FANCC: variants seen among roughly 807,000 people sequenced by gnomAD.
FANCC encodes the protein FA complementation group C.
Under a neutral mutation model 71.3 loss-of-function variants are expected in FANCC, and 55 were observed. That is an observed-to-expected ratio of 0.77 (90% CI 0.62 to 0.97). The LOEUF is 0.97. Among genes scored for constraint, FANCC ranks in the 50% least tolerant of loss-of-function variants. The pLI is 0.00. For missense variants in FANCC, 678 were observed against 670.9 expected, an observed-to-expected ratio of 1.01 and a Z score of -0.12; for synonymous variants, 275 against 244.9, an observed-to-expected ratio of 1.12 and a Z score of -1.15.
At chr9:95,229,228 G>A (rs969084472) in intron 4 of FANCC, among the ~76,000 whole-genome samples, 3 of 151,446 alleles carry the variant, frequency 2.0e-5, no homozygotes, top group African/African-American at 4.9e-5. Context: ...AATACGGGAG[G>A]TGGAAGTTGC....
At chr9:95,147,409 G>A (rs185454641) in intron 7 of FANCC, among the ~76,000 whole-genome samples, 107 of 152,212 alleles carry the variant, frequency 7.0e-4, no homozygotes, top group African/African-American at 2.3e-3. Flanking sequence ...CCAGCTACTC[G>A]GGAGGCTGAG....
chr9:95,138,065 G>A (rs972703327), intron 7 of FANCC, among the ~76,000 whole-genome samples: 1 of 152,392 alleles, frequency 6.6e-6, no homozygotes, highest in Admixed American at 6.5e-5. Context: ...GAAAAGCAGT[G>A]GCTGGAATGA....
intron 4 of FANCC, among the ~76,000 whole-genome samples, chr9:95,213,252 GCAGC>G (rs1470620278): frequency 1.3e-5 from 2 of 152,068 alleles, no homozygotes; most frequent in African/African-American, 4.8e-5. Flanking sequence ...CTGCCCTAGA[GCAGC>G]CAGTAAGAGA....
At chr9:95,167,623 T>C (rs982020906) in intron 6 of FANCC, among the ~76,000 whole-genome samples, 3 of 152,342 alleles carry the variant, frequency 2.0e-5, no homozygotes, top group East Asian at 1.9e-4. Flanking sequence ...AATTCACTTA[T>C]TGTGGTTCTT....
At chr9:95,299,661 G>A (rs1834600963) in intron 1 of FANCC, among the ~76,000 whole-genome samples, 1 of 152,158 alleles carries the variant, frequency 6.6e-6, no homozygotes, top group African/African-American at 2.4e-5. Context: ...AGGAGTTCGA[G>A]ACCAGCCTGG....
At chr9:95,140,559 A>G (rs1020670554) in intron 7 of FANCC, among the ~76,000 whole-genome samples, 18 of 152,194 alleles carry the variant, frequency 1.2e-4, no homozygotes, top group South Asian at 6.2e-4. Flanking sequence ...GGCCCATCTG[A>G]GAGGTTGTGT....
In FANCC at chr9:95,111,087, C is replaced by G. The variant is rs1444651674; in HGVS notation, c.1329+376G>C. 4 of 1,515,654 alleles carry G rather than the reference C, an allele frequency of 2.6e-6. No individual in the cohort carries two copies. In the Admixed American group the frequency reaches 6.0e-5, roughly 23 times the overall value. 93.9% of individuals were successfully genotyped at this position (1,515,654 alleles called of 1,614,324 possible). Reference sequence around the variant, plus strand: ...GCTGGGGAGCGAGACAGGGCCCTGGCTGTGGCCAGGCTCTGCTGCCGGCAC... The same window carrying G: ...GCTGGGGAGCGAGACAGGGCCCTGGGTGTGGCCAGGCTCTGCTGCCGGCAC... On this transcript the variant is annotated intron_variant, in intron 13 of 14. Transcript: ENST00000289081.
chr9:95,178,390 A>G (rs1217035126), intron 4 of FANCC, among the ~76,000 whole-genome samples: 3 of 152,194 alleles, frequency 2.0e-5, no homozygotes, highest in Non-Finnish European at 4.4e-5. Flanking sequence ...CCAGGTTCAG[A>G]ATGGCCGCCT....
intron 7 of FANCC, among the ~76,000 whole-genome samples, chr9:95,149,073 A>T (rs1255257675): frequency 6.8e-6 from 1 of 147,056 alleles, no homozygotes; most frequent in Non-Finnish European, 1.5e-5. Context: ...TTTGTCAAAC[A>T]TTTTTTTTTT....
chr9:95,157,324 A>G (rs1830506630), intron 6 of FANCC, among the ~76,000 whole-genome samples: 1 of 152,232 alleles, frequency 6.6e-6, no homozygotes, highest in African/African-American at 2.4e-5. Context: ...CATTATTTTT[A>G]GAGGCCTGAT....
intron 4 of FANCC, among the ~76,000 whole-genome samples, chr9:95,199,053 C>T (rs144146981): frequency 1.3e-5 from 2 of 152,170 alleles, no homozygotes; most frequent in East Asian, 3.9e-4. Context: ...GTAGTAAAGG[C>T]AATATATGAA....
At position 95,283,427 on chromosome 9, in the gene FANCC, T is replaced by C. The variant is rs117262278; in HGVS notation, c.-78-34058A>G. On this transcript the variant is annotated intron_variant, in intron 1 of 14. Transcript: ENST00000289081. ...CTGCCATTTCTGCAACATTCAGCTC[T>C]TCAAGATGGCGCACAGGACCAATAA... Among the ~76,000 whole-genome samples the C allele has an allele frequency of 3.3e-3, 508 of 152,358 alleles. 9 individuals carry two copies. In the East Asian group the frequency reaches 0.044, roughly 13 times the overall value.
intron 4 of FANCC, among the ~76,000 whole-genome samples, chr9:95,177,950 G>A (rs886371896): frequency 1.3e-5 from 2 of 152,196 alleles, no homozygotes; most frequent in South Asian, 2.1e-4. Context: ...AGAGGGGATC[G>A]GGGAGCCGTT....
rs1441757988 is a variant in FANCC at position 95,291,967 on chromosome 9, A to AAATAT, written c.-79+25558_-79+25559insATATT. Reference sequence around the variant, plus strand: ...TGTCTCAAAAAAAAAAAAAAAAAAAAATATATATATATATATATATATATA... The same window carrying AAATAT: ...TGTCTCAAAAAAAAAAAAAAAAAAAAAATATATATATATATATATATATATATATA... On this transcript the variant is annotated intron_variant, in intron 1 of 14. Transcript: ENST00000289081. Among the ~76,000 whole-genome samples, 140 of 50,408 alleles carry AAATAT rather than the reference A, an allele frequency of 2.8e-3. 3 individuals are homozygous for AAATAT. Among genetic ancestry groups the AAATAT allele is most frequent in the Admixed American group, 3.8e-3 (11 of 2,906 alleles). The allele number at this position is 50,408 out of a possible 152,430, so 33.1% of individuals were successfully genotyped here.
chr9:95,251,774 T>C (rs975978995), intron 1 of FANCC, among the ~76,000 whole-genome samples: 1 of 152,202 alleles, frequency 6.6e-6, no homozygotes, highest in Non-Finnish European at 1.5e-5. Context: ...ATATATTAAA[T>C]ACTTTATTCA....
chr9:95,221,884 C>T (rs1829296241), intron 4 of FANCC, among the ~76,000 whole-genome samples: 1 of 152,080 alleles, frequency 6.6e-6, no homozygotes, highest in African/African-American at 2.4e-5. Context: ...ACATGTACAG[C>T]TACTGGAACT....
intron 4 of FANCC, among the ~76,000 whole-genome samples, chr9:95,178,736 T>C (rs4647489): frequency 0.01 from 1,598 of 152,378 alleles, 30 homozygotes; most frequent in African/African-American, 0.037. Flanking sequence ...AATACAAGTA[T>C]GTATGTTTAA....
chr9:95,305,152 A>C (rs1175486840), intron 1 of FANCC, among the ~76,000 whole-genome samples: 4 of 152,242 alleles, frequency 2.6e-5, no homozygotes, highest in Non-Finnish European at 4.4e-5. Context: ...AATGGAATTT[A>C]ATGCAATTAC....
intron 7 of FANCC, among the ~76,000 whole-genome samples, chr9:95,148,149 C>T (rs1382833817): frequency 6.6e-6 from 1 of 152,184 alleles, no homozygotes; most frequent in South Asian, 2.1e-4. Flanking sequence ...ATATGAATGT[C>T]TGATGAAGCA....
Sources: allele counts gnomAD v4.1 joint callset (sites outside exome capture counted in the v4.1 genomes callset), GRCh38; gene constraint gnomAD v4.1.1; transcripts MANE v1.5; gene names NCBI Gene and HGNC (gene_info 2026-07-23, HGNC 2026-07-21).